The following ANAPC4 variants were observed in gnomAD, a reference collection of about 807,000 sequenced individuals.
ANAPC4 encodes the protein anaphase promoting complex subunit 4.
ANAPC4 carries 63 observed loss-of-function variants against 119.8 expected under a neutral mutation model. The observed-to-expected ratio is 0.53, with a 90% CI of 0.43 to 0.65. The LOEUF (loss-of-function observed/expected upper bound fraction) is 0.65. Among genes scored for constraint, ANAPC4 ranks in the 30% least tolerant of loss-of-function variants. ANAPC4 has a pLI of 0.00. For synonymous variants in ANAPC4, 283 were observed against 318.6 expected, an observed-to-expected ratio of 0.89 and a Z score of 1.19; for missense variants, 716 against 945.1, an observed-to-expected ratio of 0.76 and a Z score of 3.18.
rs762006568 is a variant in ANAPC4, at chr4:25,409,713, G to A, written c.1447G>A (p.Asp483Asn). 1 of 1,610,866 alleles carries A rather than the reference G, an allele frequency of 6.2e-7. No homozygotes were observed. The highest frequency in any genetic ancestry group is 1.1e-5 in the South Asian group (1 of 90,874). Reference sequence around the variant, plus strand: ...GTATTTCTAGTACTTGAAAGATGAAGATGATGATCTTGTGTCACCCCCTAA... The same window carrying A: ...GTATTTCTAGTACTTGAAAGATGAAAATGATGATCTTGTGTCACCCCCTAA... ...ERVGQYLKDE[D>N]DDLVSPPNTE... The change falls in exon 21 of 29, where the codon GAT becomes AAT. Residue 483 changes from aspartate (D) to asparagine (N), a missense_variant. Around this residue, in one of 3 missense-constraint regions of ANAPC4, gnomAD observed 504 missense variants for 615.8 expected, o/e 0.82. Coordinates refer to ENST00000315368, the MANE Select transcript of ANAPC4 (RefSeq NM_013367.3).
At chr4:25,406,680 A>G (rs1165213948) in intron 18 of ANAPC4, 149 bp from the exon 19 acceptor site, 12 of 633,576 alleles carry the variant, frequency 1.9e-5, no homozygotes, top group Non-Finnish European at 3.0e-5. Flanking sequence ...TCACAGTCGC[A>G]TAATCTATAT....
intron 16 of ANAPC4, among the ~76,000 whole-genome samples, chr4:25,398,279 T>G (rs1722765706): frequency 6.6e-6 from 1 of 152,158 alleles, no homozygotes; most frequent in African/African-American, 2.4e-5. Context: ...TAAGTAATGT[T>G]GAGAAAAACC....
chr4:25,393,753 C>T, intron 10 of ANAPC4, 52 bp from the exon 11 acceptor site: 3 of 1,111,892 alleles, frequency 2.7e-6, no homozygotes, highest in Non-Finnish European at 2.6e-6. Context: ...ATTTAGATAG[C>T]AAGTTGGTTT....
At chr4:25,386,062 C>T (rs1022597926) in intron 4 of ANAPC4, among the ~76,000 whole-genome samples, 4 of 152,010 alleles carry the variant, frequency 2.6e-5, no homozygotes, top group African/African-American at 4.8e-5. Flanking sequence ...TACAGACATG[C>T]GCCACCACGC....
rs780664822 is a variant in ANAPC4, at chr4:25,413,671, C to A, written c.1552C>A (p.Pro518Thr). The A allele has an allele frequency of 6.2e-7, 1 of 1,613,064 alleles. No homozygotes were observed. The highest frequency in any genetic ancestry group is 1.3e-5 in the African/African-American group (1 of 74,934). Reference sequence around the variant, plus strand: ...AAGTCCTTTGCTGTTTCCTTATTATCCTCGAAAATCATTGCATTTTGTGAA... The same window carrying A: ...AAGTCCTTTGCTGTTTCCTTATTATACTCGAAAATCATTGCATTTTGTGAA... ...KESPLLFPYYPRKSLHFVKRR... is the reference protein window; with the variant it reads ...KESPLLFPYYTRKSLHFVKRR... Residue 518 changes from proline to threonine, a missense_variant, in exon 22 of 29, where the codon CCT becomes ACT. Around this residue, in one of 3 missense-constraint regions of ANAPC4, gnomAD observed 504 missense variants for 615.8 expected, o/e 0.82. Coordinates refer to ENST00000315368, the MANE Select transcript of ANAPC4 (RefSeq NM_013367.3).
At chr4:25,380,580 AATT>A in intron 3 of ANAPC4, 101 bp downstream of exon 3, 1 of 761,830 alleles carries the variant, frequency 1.3e-6, no homozygotes. Flanking sequence ...TATACATAAG[AATT>A]ATAAATATCA....
At chr4:25,389,159 ATTT>A (rs113710613) in intron 7 of ANAPC4, among the ~76,000 whole-genome samples, 3 of 132,180 alleles carry the variant, frequency 2.3e-5, no homozygotes, top group Non-Finnish European at 3.2e-5. Context: ...CACCCAGCTA[ATTT>A]TTTTTTTTTT....
At chr4:25,388,364 C>T in intron 4 of ANAPC4, 136 bp from the exon 5 acceptor site, 1 of 611,422 alleles carries the variant, frequency 1.6e-6, no homozygotes, top group African/African-American at 1.9e-5. Flanking sequence ...CTGACTACAA[C>T]TGTATAGTAT....
chr4:25,411,295 A>G (rs1386010219), intron 21 of ANAPC4, among the ~76,000 whole-genome samples: 1 of 152,114 alleles, frequency 6.6e-6, no homozygotes, highest in Non-Finnish European at 1.5e-5. Context: ...CCCTGTTGCT[A>G]TTTTGGCTAT....
Position 25,380,838 on chromosome 4 carries a change from A to G in ANAPC4, c.235+359A>G, listed in dbSNP as rs144379958. On this transcript the variant is annotated intron_variant, in intron 3 of 28. Coordinates refer to ENST00000315368, the MANE Select transcript of ANAPC4 (RefSeq NM_013367.3). ...CTCGCCAGTGAGTTAGTTCAAAGCC[A>G]TCATGGCCTTTTTCTTTCACAATAT... Among the ~76,000 whole-genome samples, 493 of 152,376 alleles carry G rather than the reference A, an allele frequency of 3.2e-3. 1 individual carries two copies. The highest frequency in any genetic ancestry group is 0.011 in the African/African-American group (477 of 41,594).
intron 14 of ANAPC4, 83 bp downstream of exon 14, chr4:25,394,988 T>A: frequency 9.2e-7 from 1 of 1,082,754 alleles, no homozygotes; most frequent in Admixed American, 2.3e-5. Flanking sequence ...TTTCTTCATC[T>A]GGCATTCTCT....
chr4:25,407,175 A>G, intron 19 of ANAPC4, 22 bp from the exon 20 acceptor site: 1 of 1,577,140 alleles, frequency 6.3e-7, no homozygotes, highest in Non-Finnish European at 8.6e-7. Context: ...TTAAGAATTA[A>G]ACTATGTTTA....
intron 17 of ANAPC4, among the ~76,000 whole-genome samples, chr4:25,404,664 C>A (rs1723160343): frequency 1.3e-5 from 2 of 152,060 alleles, no homozygotes; most frequent in Non-Finnish European, 2.9e-5. Context: ...CTCATTAGGG[C>A]AGGACATTGT....
chr4:25,401,502 C>T (rs1245139226), intron 16 of ANAPC4, among the ~76,000 whole-genome samples: 1 of 152,074 alleles, frequency 6.6e-6, no homozygotes, highest in Non-Finnish European at 1.5e-5. Context: ...TCAGTTTGTC[C>T]CCCTGTGTCC....
At chr4:25,400,484 A>G (rs9993776) in intron 16 of ANAPC4, among the ~76,000 whole-genome samples, 4 of 151,726 alleles carry the variant, frequency 2.6e-5, no homozygotes, top group African/African-American at 7.2e-5. Flanking sequence ...AAGGATGGGG[A>G]GGCGGTGTTG....
chr4:25,406,846 C>A lies in ANAPC4; in HGVS notation c.1335C>A (p.Ile445=), dbSNP rs766746362. The A allele has an allele frequency of 2.9e-5, 46 of 1,603,218 alleles. No homozygotes were observed. In the East Asian group the frequency reaches 9.9e-4, roughly 34 times the overall value. ...GTTGATAGATGACTCAGAAAGATAT[C>A]ACATTTGTTGCTGAATTTCTTACTG... ...PELNKMTQKD[I]TFVAEFLTEH... The change falls in exon 19 of 29, where the codon ATC becomes ATA. Residue 445 remains isoleucine (I), a synonymous_variant. Transcript: ENST00000315368.
chr4:25,381,456 G>C (rs114783141), intron 3 of ANAPC4, among the ~76,000 whole-genome samples: 1 of 151,982 alleles, frequency 6.6e-6, no homozygotes, highest in Non-Finnish European at 1.5e-5. Context: ...GACTACAGGC[G>C]TGCACCTTCA....
At chr4:25,379,729 A>G (rs966048149) in intron 2 of ANAPC4, among the ~76,000 whole-genome samples, 1 of 152,202 alleles carries the variant, frequency 6.6e-6, no homozygotes. Context: ...TGTTGTAACC[A>G]GGAGTGAAGG....
At chr4:25,402,740 G>T (rs1262274957) in intron 16 of ANAPC4, among the ~76,000 whole-genome samples, 2 of 152,142 alleles carry the variant, frequency 1.3e-5, no homozygotes, top group Non-Finnish European at 2.9e-5. Context: ...CTTGTAACCA[G>T]TTGGAATCTA....
Sources: allele counts gnomAD v4.1 joint callset (sites outside exome capture counted in the v4.1 genomes callset), GRCh38; gene constraint gnomAD v4.1.1; regional missense constraint gnomAD v4.1.1; transcripts MANE v1.5; gene names NCBI Gene and HGNC (gene_info 2026-07-23, HGNC 2026-07-21).